SYN3: variants seen among roughly 807,000 people sequenced by gnomAD.
SYN3 encodes the protein synapsin-3.
A neutral mutation model predicts 65.8 loss-of-function variants in SYN3; 35 were observed. The observed-to-expected ratio is 0.53, with a 90% CI of 0.41 to 0.70. The LOEUF (loss-of-function observed/expected upper bound fraction) is 0.70. Ranked by LOEUF, SYN3 falls within the 30% of genes least tolerant of loss-of-function variation. The probability of loss-of-function intolerance (pLI) is 0.00; values close to 1 mark genes in which losing one functional copy is unlikely to be tolerated. For synonymous variants in SYN3, 270 were observed against 292.9 expected (o/e 0.92, Z 0.80); for missense variants, 680 against 749.0 (o/e 0.91, Z 1.08).
At chr22:32,754,722 G>C (rs180687341) in intron 6 of SYN3, among the ~76,000 whole-genome samples, 13 of 152,304 alleles carry the variant, frequency 8.5e-5, no homozygotes, top group Non-Finnish European at 1.5e-4. Context: ...CCTACACCTT[G>C]ATGCCTTTGC....
intron 2 of SYN3, among the ~76,000 whole-genome samples, chr22:32,987,478 C>T (rs1294870445): frequency 6.6e-6 from 1 of 152,172 alleles, no homozygotes; most frequent in Non-Finnish European, 1.5e-5. Context: ...CTTCCCATTG[C>T]CAGAGGGAGG....
chr22:32,758,012 C>A (rs2045347099), intron 6 of SYN3, among the ~76,000 whole-genome samples: 1 of 152,214 alleles, frequency 6.6e-6, no homozygotes, highest in Non-Finnish European at 1.5e-5. Context: ...AGTATTTCCT[C>A]CTTCTTTGGT....
At chr22:32,550,783 C>T (rs1162230129) in intron 7 of SYN3, among the ~76,000 whole-genome samples, 1 of 151,894 alleles carries the variant, frequency 6.6e-6, no homozygotes, top group Admixed American at 6.6e-5. Flanking sequence ...GCTTCCATGG[C>T]TCCTTGGGGA....
intron 6 of SYN3, among the ~76,000 whole-genome samples, chr22:32,841,892 C>T (rs932151150): frequency 2.0e-5 from 3 of 151,970 alleles, no homozygotes; most frequent in Non-Finnish European, 2.9e-5. Context: ...TCTAGGTTGG[C>T]GGTGGCAAAA....
intron 6 of SYN3, among the ~76,000 whole-genome samples, chr22:32,600,634 G>A (rs2059268109): frequency 6.6e-6 from 1 of 152,136 alleles, no homozygotes; most frequent in African/African-American, 2.4e-5. Context: ...GATTCTTCAT[G>A]AGCTCTAATA....
chr22:32,766,848 C>G (rs1477631528), intron 6 of SYN3, among the ~76,000 whole-genome samples: 3 of 152,206 alleles, frequency 2.0e-5, no homozygotes, highest in Admixed American at 1.3e-4. Context: ...CAGATTCCAG[C>G]TGAATGCTGC....
chr22:32,566,745 A>G (rs577388198), intron 7 of SYN3, among the ~76,000 whole-genome samples: 1 of 152,298 alleles, frequency 6.6e-6, no homozygotes, highest in Admixed American at 6.5e-5. Context: ...AGGTAGGTAA[A>G]GGGGTACAAG....
intron 6 of SYN3, among the ~76,000 whole-genome samples, chr22:32,719,495 A>G (rs1256538591): frequency 6.6e-6 from 1 of 152,212 alleles, no homozygotes; most frequent in Non-Finnish European, 1.5e-5. Context: ...TGTTCTGTTC[A>G]CCGTTGCATC....
At chr22:32,817,199 C>T (rs5749521) in intron 6 of SYN3, among the ~76,000 whole-genome samples, 44,266 of 150,784 alleles carry the variant, frequency 0.29, 7,494 homozygotes, top group African/African-American at 0.47. Flanking sequence ...GCCAGGGTGA[C>T]AGAGCAAGAC....
intron 6 of SYN3, among the ~76,000 whole-genome samples, chr22:32,613,040 T>C (rs1240773009): frequency 1.3e-5 from 2 of 152,000 alleles, no homozygotes; most frequent in East Asian, 3.9e-4. Flanking sequence ...TGTGTGGCAC[T>C]TCCTCTTCTC....
At chr22:32,797,695 G>A (rs990522166) in intron 6 of SYN3, among the ~76,000 whole-genome samples, 1 of 152,196 alleles carries the variant, frequency 6.6e-6, no homozygotes. Context: ...GATTCTTGGG[G>A]GAGGTAGCAA....
intron 7 of SYN3, among the ~76,000 whole-genome samples, chr22:32,550,404 TC>T (rs1344927783): frequency 2.7e-5 from 4 of 150,634 alleles, no homozygotes; most frequent in Admixed American, 2.6e-4. Flanking sequence ...TAACTATATA[TC>T]CCTAGCAGAA....
At chr22:32,790,741 C>T (rs926088743) in intron 6 of SYN3, among the ~76,000 whole-genome samples, 12 of 151,152 alleles carry the variant, frequency 7.9e-5, no homozygotes, top group Admixed American at 1.3e-4. Flanking sequence ...TTTTAAATAA[C>T]GCCTATGTTT....
At chr22:32,617,165 C>T (rs1231979811) in intron 6 of SYN3, among the ~76,000 whole-genome samples, 2 of 152,174 alleles carry the variant, frequency 1.3e-5, no homozygotes, top group African/African-American at 2.4e-5. Flanking sequence ...GCTTGTTAAA[C>T]GTGCACATTA....
intron 6 of SYN3, among the ~76,000 whole-genome samples, chr22:32,644,638 T>C (rs2059958366): frequency 6.6e-6 from 1 of 152,212 alleles, no homozygotes; most frequent in Non-Finnish European, 1.5e-5. Context: ...ATTTTCGTTT[T>C]TCCCTTTCCA....
chr22:32,818,993 A>G (rs918454065), intron 6 of SYN3, among the ~76,000 whole-genome samples: 2 of 152,204 alleles, frequency 1.3e-5, no homozygotes, highest in African/African-American at 4.8e-5. Context: ...CTCCTCTGAC[A>G]CAGTTATAAA....
chr22:32,848,725 T>C (rs895059346), intron 6 of SYN3, among the ~76,000 whole-genome samples: 7 of 152,222 alleles, frequency 4.6e-5, no homozygotes, highest in African/African-American at 1.4e-4. Flanking sequence ...TCCTGTTTTA[T>C]AGAAGAGGAG....
intron 6 of SYN3, among the ~76,000 whole-genome samples, chr22:32,759,160 T>C (rs5754255): frequency 0.45 from 68,905 of 151,964 alleles, 16,331 homozygotes; most frequent in East Asian, 0.55. Context: ...GCCCCAGAAT[T>C]AGACAGGGAA....
intron 1 of SYN3, among the ~76,000 whole-genome samples, chr22:33,044,302 T>G (rs1028165211): frequency 2.0e-5 from 3 of 152,168 alleles, no homozygotes; most frequent in African/African-American, 7.2e-5. Context: ...GTAGCTTTCC[T>G]CAAACATGCC....
Sources: allele counts gnomAD v4.1 joint callset (sites outside exome capture counted in the v4.1 genomes callset), GRCh38; gene constraint gnomAD v4.1.1; transcripts MANE v1.5; gene names NCBI Gene and HGNC (gene_info 2026-07-23, HGNC 2026-07-21).